The following MDGA2 variants were observed in gnomAD, a reference collection of about 807,000 sequenced individuals.
MDGA2 encodes MAM domain-containing glycosylphosphatidylinositol anchor protein 2.
A neutral mutation model predicts 117.8 loss-of-function variants in MDGA2; 40 were observed. The observed-to-expected ratio is 0.34, with a 90% CI of 0.26 to 0.44. The LOEUF (loss-of-function observed/expected upper bound fraction) is 0.44, where lower values mean the gene tolerates loss of function less well. Ranked by LOEUF, MDGA2 falls within the 20% of genes least tolerant of loss-of-function variation. MDGA2 has a pLI of 1.00. For synonymous variants in MDGA2, 452 were observed against 439.0 expected (o/e 1.03, Z -0.37); for missense variants, 1,123 against 1,250.6 (o/e 0.90, Z 1.54).
At chr14:46,897,153 A>AT (rs1280184241) in intron 10 of MDGA2, among the ~76,000 whole-genome samples, 1 of 152,124 alleles carries the variant, frequency 6.6e-6, no homozygotes, top group African/African-American at 2.4e-5. Flanking sequence ...ATTTATTCCT[A>AT]TATGAAATCC....
chr14:47,179,796 T>A (rs1177456614), intron 3 of MDGA2, among the ~76,000 whole-genome samples: 1 of 152,066 alleles, frequency 6.6e-6, no homozygotes, highest in Non-Finnish European at 1.5e-5. Flanking sequence ...TCTATTGGAG[T>A]AGTTACTCAC....
chr14:47,141,303 A>G (rs778193541), intron 4 of MDGA2, among the ~76,000 whole-genome samples: 5 of 152,170 alleles, frequency 3.3e-5, no homozygotes, highest in Admixed American at 2.0e-4. Flanking sequence ...GATAGATCCA[A>G]AAGAAATTAA....
intron 2 of MDGA2, among the ~76,000 whole-genome samples, chr14:47,222,690 G>T (rs1366191041): frequency 6.6e-6 from 1 of 152,098 alleles, no homozygotes; most frequent in Non-Finnish European, 1.5e-5. Context: ...TCATGTAGTT[G>T]ATAGCAAAGT....
At chr14:47,155,095 C>T (rs930549995) in intron 3 of MDGA2, among the ~76,000 whole-genome samples, 2 of 152,140 alleles carry the variant, frequency 1.3e-5, no homozygotes, top group African/African-American at 4.8e-5. Flanking sequence ...GAGAGCTGTA[C>T]ACTCATCATG....
At chr14:46,930,786 T>C (rs1352710527) in intron 9 of MDGA2, among the ~76,000 whole-genome samples, 1 of 152,218 alleles carries the variant, frequency 6.6e-6, no homozygotes, top group African/African-American at 2.4e-5. Context: ...CAATAGTTAA[T>C]TGTCTTAATT....
Position 47,227,406 on chromosome 14 carries a change from G to A in MDGA2, c.421-9211C>T, listed in dbSNP as rs144397756. 8.5e-5 allele frequency among the ~76,000 whole-genome samples: 13 copies of A among 152,200 alleles called. No individual in the cohort carries two copies. The East Asian group carries it at 1.5e-3, about 18-fold the overall frequency. On this transcript the variant is annotated intron_variant, in intron 2 of 16. Coordinates refer to ENST00000399232, the MANE Select transcript of MDGA2 (RefSeq NM_001113498.3). ...GCAGTGTCAGGCTGACGCTAACCTCGTGAAACCACATCCTGGCTCAGCTTC... is the reference window on the plus strand; with the variant it reads ...GCAGTGTCAGGCTGACGCTAACCTCATGAAACCACATCCTGGCTCAGCTTC...
chr14:47,443,378 C>T (rs1288035347), intron 1 of MDGA2, among the ~76,000 whole-genome samples: 2 of 152,092 alleles, frequency 1.3e-5, no homozygotes, highest in South Asian at 2.1e-4. Context: ...CAGGTATTCA[C>T]TGGGGATGAT....
At chr14:46,956,613 C>A (rs1048825976) in intron 9 of MDGA2, among the ~76,000 whole-genome samples, 21 of 150,860 alleles carry the variant, frequency 1.4e-4, no homozygotes, top group African/African-American at 4.6e-4. Flanking sequence ...AATAAGAAAA[C>A]CAGAGCAATT....
intron 3 of MDGA2, among the ~76,000 whole-genome samples, chr14:47,163,508 G>A (rs977412993): frequency 1.3e-5 from 2 of 152,062 alleles, no homozygotes; most frequent in African/African-American, 4.8e-5. Flanking sequence ...TTCTTGAGCA[G>A]GCTCTCTTTT....
chr14:47,356,291 T>C (rs2138358962), intron 1 of MDGA2, among the ~76,000 whole-genome samples: 1 of 152,326 alleles, frequency 6.6e-6, no homozygotes, highest in Non-Finnish European at 1.5e-5. Context: ...TTTCTCACCC[T>C]TGTAGGAACC....
At chr14:47,576,996 T>C (rs138862342) in intron 1 of MDGA2, among the ~76,000 whole-genome samples, 102 of 152,176 alleles carry the variant, frequency 6.7e-4, no homozygotes, top group African/African-American at 2.4e-3. Flanking sequence ...AGCAACCCTC[T>C]TGCCTCTGCC....
intron 5 of MDGA2, among the ~76,000 whole-genome samples, chr14:47,109,661 A>G (rs1242453893): frequency 6.6e-6 from 1 of 152,188 alleles, no homozygotes; most frequent in East Asian, 1.9e-4. Context: ...TAAAATGATC[A>G]AAAGGCCAGG....
chr14:46,931,337 A>G (rs1448266815), intron 9 of MDGA2, among the ~76,000 whole-genome samples: 2 of 151,908 alleles, frequency 1.3e-5, no homozygotes, highest in Non-Finnish European at 2.9e-5. Flanking sequence ...AATATGTTAA[A>G]TTTTGTCAAT....
At chr14:47,386,236 G>A (rs894476411) in intron 1 of MDGA2, among the ~76,000 whole-genome samples, 7 of 151,984 alleles carry the variant, frequency 4.6e-5, no homozygotes, top group African/African-American at 7.3e-5. Context: ...AGCCGAGATC[G>A]CACCATGCAC....
intron 7 of MDGA2, among the ~76,000 whole-genome samples, chr14:47,042,312 GTT>G (rs748830079): frequency 0.13 from 16,837 of 130,034 alleles, 1,355 homozygotes; most frequent in African/African-American, 0.25. Context: ...CCAAATCTAT[GTT>G]TTTTTTTTTT....
intron 1 of MDGA2, among the ~76,000 whole-genome samples, chr14:47,386,040 G>T (rs977678932): frequency 6.6e-6 from 1 of 152,060 alleles, no homozygotes; most frequent in Admixed American, 6.6e-5. Context: ...CAGCACTTTG[G>T]GGGGCTGAGG....
intron 1 of MDGA2, among the ~76,000 whole-genome samples, chr14:47,445,507 T>C (rs1208447844): frequency 6.6e-6 from 1 of 152,170 alleles, no homozygotes; most frequent in Non-Finnish European, 1.5e-5. Flanking sequence ...TCTATTTAAA[T>C]TGTAACAAGA....
chr14:47,151,901 T>C (rs1291276158), intron 3 of MDGA2, among the ~76,000 whole-genome samples: 1 of 152,070 alleles, frequency 6.6e-6, no homozygotes, highest in African/African-American at 2.4e-5. Context: ...AATAAATTAA[T>C]ATAAAGGAAG....
intron 1 of MDGA2, among the ~76,000 whole-genome samples, chr14:47,482,223 T>C (rs1397545521): frequency 2.6e-5 from 4 of 151,984 alleles, no homozygotes; most frequent in East Asian, 1.9e-4. Flanking sequence ...GAAAATTATA[T>C]GGTCCCAGGA....
Sources: gnomAD v4.1 joint callset for allele counts (sites outside exome capture counted in the v4.1 genomes callset) on GRCh38, gnomAD v4.1.1 for gene constraint, MANE v1.5 for transcripts, NCBI Gene and HGNC (gene_info 2026-07-23, HGNC 2026-07-21) for gene names.